The following TRPC1 variants were observed in gnomAD, a reference collection of about 807,000 sequenced individuals.
TRPC1 encodes the protein short transient receptor potential channel 1.
Under a neutral mutation model 88.2 loss-of-function variants are expected in TRPC1, and 42 were observed. The ratio of observed to expected loss-of-function variants is 0.48; its 90% confidence interval spans 0.37 to 0.62. The LOEUF (loss-of-function observed/expected upper bound fraction) is 0.62. Among genes scored for constraint, TRPC1 ranks in the 20% least tolerant of loss-of-function variants. TRPC1 has a pLI of 0.00. For synonymous variants in TRPC1, 288 were observed against 331.8 expected, an observed-to-expected ratio of 0.87 and a Z score of 1.43; for missense variants, 699 against 957.3, an observed-to-expected ratio of 0.73 and a Z score of 3.56.
chr3:142,753,531 G>A (rs1451214911), intron 4 of TRPC1, among the ~76,000 whole-genome samples: 3 of 151,672 alleles, frequency 2.0e-5, no homozygotes, highest in Non-Finnish European at 4.4e-5. Context: ...TTTGGAGGCC[G>A]AGGCAGGCCG....
chr3:142,734,889 G>T (rs1398384922), intron 1 of TRPC1, among the ~76,000 whole-genome samples: 1 of 152,202 alleles, frequency 6.6e-6, no homozygotes, highest in Non-Finnish European at 1.5e-5. Flanking sequence ...GAATTTTTAT[G>T]TGTAGCATTC....
At chr3:142,794,206 C>T (rs989160011) in intron 9 of TRPC1, among the ~76,000 whole-genome samples, 2 of 152,092 alleles carry the variant, frequency 1.3e-5, no homozygotes, top group Admixed American at 6.6e-5. Flanking sequence ...CCACTAATAT[C>T]ATCTACGAAT....
At chr3:142,728,303 T>C (rs1348769125) in intron 1 of TRPC1, among the ~76,000 whole-genome samples, 1 of 151,664 alleles carries the variant, frequency 6.6e-6, no homozygotes, top group Non-Finnish European at 1.5e-5. Flanking sequence ...ATTTGCTGTG[T>C]TGTAAGGAAA....
chr3:142,750,002 A>G (rs1310915324), intron 4 of TRPC1, among the ~76,000 whole-genome samples: 1 of 152,244 alleles, frequency 6.6e-6, no homozygotes, highest in Admixed American at 6.5e-5. Context: ...CATTCAGGAC[A>G]TAGGCATGGG....
intron 10 of TRPC1, among the ~76,000 whole-genome samples, chr3:142,803,089 A>C (rs528064603): frequency 6.6e-6 from 1 of 152,310 alleles, no homozygotes; most frequent in South Asian, 2.1e-4. Flanking sequence ...GAGGTGATAC[A>C]GGCAATAAAA....
At chr3:142,737,595 ATAAT>A (rs928238788) in intron 2 of TRPC1, among the ~76,000 whole-genome samples, 7 of 152,250 alleles carry the variant, frequency 4.6e-5, no homozygotes, top group African/African-American at 1.7e-4. Flanking sequence ...CCATTTTAAC[ATAAT>A]TAATTTCTAA....
At position 142,806,121 on chromosome 3, in the gene TRPC1, A is replaced by G. The variant is rs1936786364; in HGVS notation, c.2268A>G (p.Ala756=). Reference sequence around the variant, plus strand: ...AGAAGATGCAAAGTACAGATCAGGCAACTGTGGAAAATCTAAACGAACTGC... The same window carrying G: ...AGAAGATGCAAAGTACAGATCAGGCGACTGTGGAAAATCTAAACGAACTGC... ...MRQKMQSTDQ[A]TVENLNELRQ... is the part of the protein sequence containing the mutation. Residue 756 remains alanine, a synonymous_variant, in exon 13 of 13, where the codon GCA becomes GCG. Transcript: ENST00000476941. 3 of 1,613,928 alleles carry G rather than the reference A, an allele frequency of 1.9e-6. No individual in the cohort carries two copies. Among genetic ancestry groups the G allele is most frequent in the Non-Finnish European group, 2.5e-6 (3 of 1,179,888 alleles).
At chr3:142,743,455 T>A in intron 2 of TRPC1, 30 bp from the exon 3 acceptor site, 1 of 1,437,558 alleles carries the variant, frequency 7.0e-7, no homozygotes, top group Non-Finnish European at 9.2e-7. Context: ...TATCTTCCAT[T>A]TTCATTTTTA....
intron 7 of TRPC1, among the ~76,000 whole-genome samples, chr3:142,785,788 C>T (rs554109366): frequency 7.3e-4 from 111 of 152,282 alleles, no homozygotes; most frequent in Non-Finnish European, 1.3e-3. Context: ...CCTGAGCCAC[C>T]GTGCCCGGCC....
At chr3:142,790,986 AGT>A (rs1213085945) in intron 7 of TRPC1, 31 bp from the exon 8 acceptor site, 2 of 1,506,672 alleles carry the variant, frequency 1.3e-6, no homozygotes, top group African/African-American at 1.4e-5. Context: ...GAATTAAGAA[AGT>A]GTTATCTGAT....
intron 10 of TRPC1, among the ~76,000 whole-genome samples, chr3:142,803,055 C>T (rs1437514290): frequency 6.6e-6 from 1 of 152,136 alleles, no homozygotes; most frequent in Non-Finnish European, 1.5e-5. Context: ...AACAAAACTA[C>T]CCTGATGAAG....
At chr3:142,762,410 C>T (rs6798849) in intron 4 of TRPC1, among the ~76,000 whole-genome samples, 5 of 146,240 alleles carry the variant, frequency 3.4e-5, no homozygotes, top group Admixed American at 6.9e-5. Context: ...TGCTAATTTT[C>T]GGTTTGGTTT....
chr3:142,727,711 C>T (rs1933740159), intron 1 of TRPC1, among the ~76,000 whole-genome samples: 1 of 152,146 alleles, frequency 6.6e-6, no homozygotes. Context: ...AAAGTATACT[C>T]ATGTTCTTTC....
At chr3:142,804,989 T>A (rs1936745300) in intron 12 of TRPC1, among the ~76,000 whole-genome samples, 1 of 151,980 alleles carries the variant, frequency 6.6e-6, no homozygotes, top group Non-Finnish European at 1.5e-5. Context: ...TAGTCCCAGC[T>A]ACTCAGGAGG....
intron 1 of TRPC1, among the ~76,000 whole-genome samples, chr3:142,732,474 A>G (rs556636389): frequency 2.0e-5 from 3 of 152,234 alleles, no homozygotes; most frequent in Admixed American, 6.5e-5. Context: ...GGGCTCAGAA[A>G]AGCCTGACTA....
rs1033167268 is a variant in TRPC1, at chr3:142,785,066, TTTTGTC to T, written c.1297+30_1297+35del. The T allele has an allele frequency of 3.3e-6, 5 of 1,533,464 alleles. No homozygotes were observed. In the African/African-American group the frequency reaches 6.9e-5, roughly 21 times the overall value. The allele number at this position is 1,533,464 out of a possible 1,614,324, so 95.0% of individuals were successfully genotyped here. A position where few individuals can be genotyped will look rare whatever the true frequency, so the allele number is the denominator to read the frequency against. ...GTAAGTATCAAGTTAGTTTGAAAGG[TTTTGTC>T]TTTATTTAGCCCACTGATTCTTTCT... is the stretch of plus-strand genomic sequence containing the variant. On this transcript the variant is annotated intron_variant, in intron 7 of 12. Transcript: ENST00000476941.
intron 2 of TRPC1, among the ~76,000 whole-genome samples, chr3:142,741,289 T>A (rs913089677): frequency 2.6e-5 from 4 of 152,152 alleles, no homozygotes; most frequent in African/African-American, 9.6e-5. Context: ...GGTAACTCCT[T>A]ATTTACAAGA....
At chr3:142,727,983 A>G (rs1434629435) in intron 1 of TRPC1, among the ~76,000 whole-genome samples, 1 of 136,622 alleles carries the variant, frequency 7.3e-6, no homozygotes, top group African/African-American at 3.1e-5. Context: ...ATTTTCCTCT[A>G]AAAAAAAAAA....
intron 1 of TRPC1, among the ~76,000 whole-genome samples, chr3:142,726,093 T>G (rs1276867657): frequency 1.3e-5 from 2 of 152,178 alleles, no homozygotes; most frequent in Non-Finnish European, 2.9e-5. Context: ...TTATTTAGTA[T>G]TGCTGGAGTG....
Sources: allele counts gnomAD v4.1 joint callset (sites outside exome capture counted in the v4.1 genomes callset), GRCh38; gene constraint gnomAD v4.1.1; transcripts MANE v1.5; gene names NCBI Gene and HGNC (gene_info 2026-07-23, HGNC 2026-07-21).